The following MLC1 variants were observed in gnomAD, a reference collection of about 807,000 sequenced individuals.
MLC1 encodes the protein membrane protein MLC1.
A neutral mutation model predicts 44.7 loss-of-function variants in MLC1; 32 were observed. The ratio of observed to expected loss-of-function variants is 0.72; its 90% confidence interval spans 0.54 to 0.96. The LOEUF (loss-of-function observed/expected upper bound fraction) is 0.96, where lower values mean the gene tolerates loss of function less well. Among genes scored for constraint, MLC1 ranks in the 40% least tolerant of loss-of-function variants. MLC1 has a pLI of 0.00. For synonymous variants in MLC1, 190 were observed against 213.0 expected (o/e 0.89, Z 0.94); for missense variants, 459 against 492.2 (o/e 0.93, Z 0.64).
chr22:50,068,671 G>T, intron 9 of MLC1, 116 bp from the exon 10 acceptor site: 1 of 1,212,060 alleles, frequency 8.3e-7, no homozygotes, highest in Non-Finnish European at 1.2e-6. Context: ...ATAGTCCCAA[G>T]CTGGTTCCCT....
At chr22:50,062,643 C>T (rs543679916) in intron 11 of MLC1, among the ~76,000 whole-genome samples, 17 of 152,342 alleles carry the variant, frequency 1.1e-4, no homozygotes, top group Middle Eastern at 3.4e-3. Flanking sequence ...GTTCTGAGGC[C>T]GGTGGTGTGC....
rs1392429832 is a variant in MLC1, at chr22:50,077,494, G to A, written c.432C>T (p.Phe144=). ...CCAGCAGGAGCAGCAGGATGAGGTT[G>A]AAGTTGATCTGCCAAGGGGCACACA... ...VLNPSAININ[F]NLILLLLLEL... Residue 144 remains phenylalanine (F), a synonymous_variant, in exon 6 of 12, where the codon TTC becomes TTT. Coordinates refer to ENST00000311597, the MANE Select transcript of MLC1 (RefSeq NM_015166.4). 3.7e-6 allele frequency: 6 copies of A among 1,613,334 alleles called. No individual in the cohort carries two copies. The South Asian group carries it at 5.5e-5, about 15-fold the overall frequency.
At chr22:50,072,932 G>A (rs1280980308) in intron 8 of MLC1, 2 of 152,456 alleles carry the variant, frequency 1.3e-5, no homozygotes, top group Admixed American at 6.5e-5. Flanking sequence ...GGTGCCCTGG[G>A]GGCATTGCTC....
rs2146727039 is a variant in MLC1, at chr22:50,059,919, A to G, written c.*1664T>C. 1 of 152,416 alleles carries G rather than the reference A, an allele frequency of 6.6e-6. No homozygotes were observed. Among genetic ancestry groups the G allele is most frequent in the Admixed American group, 6.5e-5 (1 of 15,304 alleles). The allele number at this position is 152,416 out of a possible 1,614,324, so 9.4% of individuals were successfully genotyped here. A position where few individuals can be genotyped will look rare whatever the true frequency, so the allele number is the denominator to read the frequency against. ...AATAATGATTCCACTTGTCATGAAC[A>G]CCATGAAGGTATCTTGGCAGCCAGA... On this transcript the variant is annotated 3_prime_UTR_variant, in exon 12 of 12. Coordinates refer to ENST00000311597, the MANE Select transcript of MLC1 (RefSeq NM_015166.4).
intron 11 of MLC1, among the ~76,000 whole-genome samples, chr22:50,061,951 G>A (rs975499554): frequency 1.3e-5 from 2 of 152,230 alleles, no homozygotes; most frequent in Admixed American, 6.5e-5. Context: ...GGAGCGGGGG[G>A]AGGCCGCCCA....
chr22:50,081,744 C>T (rs533140466), intron 3 of MLC1, among the ~76,000 whole-genome samples: 47 of 152,362 alleles, frequency 3.1e-4, no homozygotes, highest in Admixed American at 6.5e-4. Context: ...GCTCAGCACC[C>T]ACTCAGGTGC....
rs1289520784 is a variant in MLC1 at position 50,083,102 on chromosome 22, C to A, written c.249G>T (p.Leu83Phe). 1.2e-6 allele frequency: 2 copies of A among 1,613,974 alleles called. No homozygotes were observed. Among genetic ancestry groups the A allele is most frequent in the Non-Finnish European group, 1.7e-6 (2 of 1,180,030 alleles). Residue 83 changes from leucine (L) to phenylalanine (F), a missense_variant, in exon 3 of 12, where the codon TTG (leucine) becomes TTT (phenylalanine). Physicochemically the swap from Leu to Phe is conservative, Grantham distance 22. Transcript: ENST00000311597. The surrounding 1 kb of genome is among the most constrained non-coding windows in gnomAD (Gnocchi z 4.6). ...GNVFPAEMDY[L>F]RCAAGSCIPS... ...TGCTTACAGAGCCTGCAGCACAGCG[C>A]AAGTAATCCATCTCAGCCGGGAACA...
chr22:50,077,607 G>C (rs931092837), intron 5 of MLC1, 105 bp from the exon 6 acceptor site: 1 of 900,214 alleles, frequency 1.1e-6, no homozygotes, highest in African/African-American at 1.6e-5. Context: ...AGGACTCTCA[G>C]CCACGGTCCC....
At chr22:50,071,599 T>C (rs1242382081) in intron 8 of MLC1, among the ~76,000 whole-genome samples, 2 of 152,278 alleles carry the variant, frequency 1.3e-5, no homozygotes, top group Admixed American at 1.3e-4. Context: ...ATGATGAGCC[T>C]TGGGGAGCCT....
rs886057626 is a variant in MLC1 at position 50,085,405 on chromosome 22, C to T, written c.-110G>A. 38 of 187,336 alleles carry T rather than the reference C, an allele frequency of 2.0e-4. No homozygotes were observed. The highest frequency in any genetic ancestry group is 4.2e-4 in the Non-Finnish European group (37 of 88,794). 11.6% of individuals were successfully genotyped at this position (187,336 alleles called of 1,614,324 possible). On this transcript the variant is annotated 5_prime_UTR_variant, in exon 1 of 12. Coordinates refer to ENST00000311597, the MANE Select transcript of MLC1 (RefSeq NM_015166.4). ...GCACTGGTCTCTGGGTGAGGGACTT[C>T]CAGCAAGAAGTATTCACAAATGAAA...
chr22:50,073,255 G>C (rs1000022542), intron 8 of MLC1, among the ~76,000 whole-genome samples: 17 of 152,256 alleles, frequency 1.1e-4, no homozygotes, highest in African/African-American at 4.1e-4. Context: ...GTACATAAGA[G>C]AGCAGGGGCA....
chr22:50,084,246 G>A (rs760733615), intron 2 of MLC1, among the ~76,000 whole-genome samples: 9 of 152,138 alleles, frequency 5.9e-5, no homozygotes, highest in Non-Finnish European at 1.0e-4. Flanking sequence ...CGGACATCTG[G>A]CGCTGCCCGT....
In MLC1 at chr22:50,061,402, C is replaced by T. The variant is rs2061556931; in HGVS notation, c.*181G>A. ...TGATCTCACTGAGGCACAGACTAGC[C>T]AACATTGGCCTATTTTAAAATTAAA... On this transcript the variant is annotated 3_prime_UTR_variant, in exon 12 of 12. Coordinates refer to ENST00000311597, the MANE Select transcript of MLC1 (RefSeq NM_015166.4). 6 of 669,260 alleles carry T rather than the reference C, an allele frequency of 9.0e-6. No homozygotes were observed. In the South Asian group the frequency reaches 1.0e-4, roughly 11 times the overall value. The allele number at this position is 669,260 out of a possible 1,614,324, so 41.5% of individuals were successfully genotyped here.
At chr22:50,061,728 C>G in intron 11 of MLC1, 71 bp from the exon 12 acceptor site, 1 of 1,397,646 alleles carries the variant, frequency 7.2e-7, no homozygotes, top group African/African-American at 1.4e-5. Flanking sequence ...ACACGCCACT[C>G]GGCCACAGGC....
At position 50,064,163 on chromosome 22, in the gene MLC1, T is replaced by TAGC. The variant is rs761096481; in HGVS notation, c.927_929dup (p.Leu310dup). On this transcript the variant is annotated inframe_insertion, in exon 11 of 12. Transcript: ENST00000311597. The stretch of plus-strand genomic sequence containing the variant: ...TGAGGCCGGCCTGCAGCAGGAGCAC[T>TAGC]AGCAGCAGCAGCAGCAGCAGCACAT... The TAGC allele has an allele frequency of 3.0e-5, 48 of 1,604,634 alleles. No individual in the cohort carries two copies. Among genetic ancestry groups the TAGC allele is most frequent in the Middle Eastern group, 1.7e-4 (1 of 5,994 alleles).
intron 11 of MLC1, 117 bp downstream of exon 11, chr22:50,063,913 CCCCT>C: frequency 8.5e-7 from 1 of 1,172,916 alleles, no homozygotes; most frequent in Non-Finnish European, 1.2e-6. Flanking sequence ...CGGCTGGGCA[CCCCT>C]GTGGGCCACT....
chr22:50,082,114 C>T (rs2062157021), intron 3 of MLC1, among the ~76,000 whole-genome samples: 1 of 152,276 alleles, frequency 6.6e-6, no homozygotes, highest in Admixed American at 6.5e-5. Flanking sequence ...ACCCAGCAGG[C>T]ATGTGGAAGC....
chr22:50,076,768 G>A (rs531231408), intron 7 of MLC1, 73 bp downstream of exon 7: 40 of 1,525,292 alleles, frequency 2.6e-5, no homozygotes, highest in Admixed American at 1.8e-4. Context: ...GAATCGAAAC[G>A]TGACGTTTAA....
At chr22:50,076,399 A>G (rs1231509146) in intron 7 of MLC1, among the ~76,000 whole-genome samples, 2 of 152,106 alleles carry the variant, frequency 1.3e-5, no homozygotes, top group Non-Finnish European at 2.9e-5. Context: ...TACTAAAAAT[A>G]AAATAATTAG....
Sources: allele counts gnomAD v4.1 joint callset (sites outside exome capture counted in the v4.1 genomes callset), GRCh38; gene constraint gnomAD v4.1.1; non-coding constraint Gnocchi (gnomAD v3.1); transcripts MANE v1.5; gene names NCBI Gene and HGNC (gene_info 2026-07-23, HGNC 2026-07-21).